TG: variants seen among roughly 807,000 people sequenced by gnomAD.
The protein encoded by TG is thyroglobulin.
A neutral mutation model predicts 324.7 loss-of-function variants in TG; 270 were observed. The ratio of observed to expected loss-of-function variants is 0.83; its 90% confidence interval spans 0.75 to 0.92. The LOEUF (loss-of-function observed/expected upper bound fraction) is 0.92. TG is among the 40% of genes least tolerant of loss of function. The probability of loss-of-function intolerance (pLI) is 0.00; values close to 1 mark genes in which losing one functional copy is unlikely to be tolerated. For synonymous variants in TG, 1,401 were observed against 1,327.0 expected (o/e 1.06, Z -1.21); for missense variants, 3,591 against 3,456.4 (o/e 1.04, Z -0.98).
At chr8:132,867,179 A>C in intron 1 of TG, 112 bp downstream of exon 1, 4 of 966,002 alleles carry the variant, frequency 4.1e-6, no homozygotes, top group Admixed American at 4.8e-5. Context: ...ACAAATTCCC[A>C]CATGTCAGTG....
intron 41 of TG, among the ~76,000 whole-genome samples, chr8:133,065,615 A>T (rs1842928440): frequency 6.6e-6 from 1 of 152,032 alleles, no homozygotes; most frequent in South Asian, 2.1e-4. Flanking sequence ...TACAAAAATT[A>T]GCCGGACATG....
intron 19 of TG, among the ~76,000 whole-genome samples, chr8:132,911,751 G>A (rs553501336): frequency 9.8e-5 from 15 of 152,312 alleles, no homozygotes; most frequent in Non-Finnish European, 1.8e-4. Context: ...GTTCTGTGTC[G>A]TGAACATCTG....
At chr8:133,054,521 G>A (rs144956621) in intron 41 of TG, among the ~76,000 whole-genome samples, 1 of 152,180 alleles carries the variant, frequency 6.6e-6, no homozygotes, top group Non-Finnish European at 1.5e-5. Flanking sequence ...GAAGGATTCA[G>A]GATGCATTGC....
At chr8:133,020,561 A>G (rs1371554072) in intron 39 of TG, among the ~76,000 whole-genome samples, 1 of 152,102 alleles carries the variant, frequency 6.6e-6, no homozygotes, top group African/African-American at 2.4e-5. Flanking sequence ...AACAGGACAA[A>G]TGAACTCAAG....
Position 133,022,080 on chromosome 8 carries a change from G to A in TG, c.6966G>A (p.Leu2322=). 1 of 1,614,150 alleles carries A rather than the reference G, an allele frequency of 6.2e-7. No individual in the cohort carries two copies. The highest frequency in any genetic ancestry group is 1.1e-5 in the South Asian group (1 of 91,074). Residue 2322 remains leucine, a synonymous_variant, in exon 40 of 48, where the codon TTG becomes TTA. Coordinates refer to ENST00000220616, the MANE Select transcript of TG (RefSeq NM_003235.5). ...EGWPAIDGSF[L]AAVGNLIVVT... is the part of the protein sequence containing the mutation. ...GGCCGGCTATCGACGGCTCCTTCTTGGCTGCTGTTGGCAACCTCATCGTGG... is the reference window on the plus strand; with the variant it reads ...GGCCGGCTATCGACGGCTCCTTCTTAGCTGCTGTTGGCAACCTCATCGTGG...
At chr8:133,069,565 C>T (rs184591298) in intron 41 of TG, among the ~76,000 whole-genome samples, 1 of 152,294 alleles carries the variant, frequency 6.6e-6, no homozygotes, top group African/African-American at 2.4e-5. Flanking sequence ...CACAATTCGA[C>T]GGTCATTTGT....
chr8:132,897,389 T>C lies in TG; in HGVS notation c.3002-260T>C, dbSNP rs1406616245. Among the ~76,000 whole-genome samples, 6 of 152,328 alleles carry C rather than the reference T, an allele frequency of 3.9e-5. No homozygotes were observed. In the East Asian group the frequency reaches 1.2e-3, roughly 29 times the overall value. ...GAAGACACTTCACTGACCTACTGAT[T>C]TCTGTATGGAAGTTATTGTAGAGGT... On this transcript the variant is annotated intron_variant, in intron 11 of 47. Transcript: ENST00000220616.
chr8:132,906,924 C>T (rs1285232619), intron 17 of TG, 24 bp downstream of exon 17: 1 of 1,593,138 alleles, frequency 6.3e-7, no homozygotes, highest in East Asian at 2.3e-5. Flanking sequence ...GAGCATCTAT[C>T]CTGCACCCCG....
In TG at chr8:132,927,852, C is replaced by T. The variant is rs1052198742; in HGVS notation, c.4700-1224C>T. ...TGATTATAACATGGCATTTGCTGGA[C>T]TGGAGCTTGCAGTCTCTACAAATGA... On this transcript the variant is annotated intron_variant, in intron 22 of 47. Transcript: ENST00000220616. Among the ~76,000 whole-genome samples the T allele has an allele frequency of 5.3e-5, 8 of 152,156 alleles. No individual in the cohort carries two copies. The South Asian group carries it at 1.2e-3, about 24-fold the overall frequency.
At chr8:133,027,471 G>C (rs531467400) in intron 40 of TG, among the ~76,000 whole-genome samples, 1 of 152,276 alleles carries the variant, frequency 6.6e-6, no homozygotes, top group East Asian at 1.9e-4. Flanking sequence ...AGTGAGGTGG[G>C]GCCTGAGGAT....
intron 22 of TG, among the ~76,000 whole-genome samples, chr8:132,925,314 A>T (rs947712039): frequency 6.6e-6 from 1 of 152,190 alleles, no homozygotes; most frequent in African/African-American, 2.4e-5. Context: ...ATCTGTTTCC[A>T]CCTAGATTTA....
intron 36 of TG, among the ~76,000 whole-genome samples, chr8:133,012,555 T>C (rs891563362): frequency 6.6e-5 from 10 of 152,256 alleles, no homozygotes; most frequent in Non-Finnish European, 1.5e-4. Context: ...AAACAAAAGC[T>C]AGGTAACCAC....
chr8:133,059,211 C>T (rs1178970667), intron 41 of TG: 1 of 448,152 alleles, frequency 2.2e-6, no homozygotes, highest in Non-Finnish European at 4.5e-6. Context: ...AAATGGGACA[C>T]CAGGCCCCAA....
chr8:133,078,786 T>G (rs1332323232), intron 41 of TG, among the ~76,000 whole-genome samples: 1 of 152,188 alleles, frequency 6.6e-6, no homozygotes, highest in Non-Finnish European at 1.5e-5. Context: ...CTATTGTAAA[T>G]TTCGTGTATG....
chr8:132,942,729 A>G (rs992207953), intron 26 of TG, among the ~76,000 whole-genome samples: 17 of 152,194 alleles, frequency 1.1e-4, no homozygotes, highest in Non-Finnish European at 5.9e-5. Context: ...TGCGATGCAA[A>G]TGCCTGATGA....
chr8:133,045,266 C>T (rs1032410390), intron 41 of TG: 2 of 721,504 alleles, frequency 2.8e-6, no homozygotes, highest in Non-Finnish European at 4.7e-6. Flanking sequence ...TCCACTAGAC[C>T]CTTCTCTGTT....
At chr8:132,884,254 G>A (rs1238029370) in intron 8 of TG, among the ~76,000 whole-genome samples, 2 of 152,170 alleles carry the variant, frequency 1.3e-5, no homozygotes, top group African/African-American at 2.4e-5. Flanking sequence ...AACCCAGTAT[G>A]GGGCCAACAT....
intron 8 of TG, 115 bp from the exon 9 acceptor site, chr8:132,886,333 T>A: frequency 1.4e-6 from 2 of 1,402,878 alleles, no homozygotes; most frequent in Non-Finnish European, 2.0e-6. Flanking sequence ...GTTTCAAACG[T>A]AGGTGTCCTT....
At chr8:132,957,568 T>C (rs1827074993) in intron 27 of TG, among the ~76,000 whole-genome samples, 1 of 152,050 alleles carries the variant, frequency 6.6e-6, no homozygotes, top group African/African-American at 2.4e-5. Context: ...AGTGAAATAC[T>C]CACCACCAAT....
Sources: gnomAD v4.1 joint callset for allele counts (sites outside exome capture counted in the v4.1 genomes callset) on GRCh38, gnomAD v4.1.1 for gene constraint, MANE v1.5 for transcripts, NCBI Gene and HGNC (gene_info 2026-07-23, HGNC 2026-07-21) for gene names.